The following INSC variants were observed in gnomAD, a reference collection of about 807,000 sequenced individuals.
INSC encodes the protein protein inscuteable homolog.
INSC carries 67 observed loss-of-function variants against 58.6 expected under a neutral mutation model. The ratio of observed to expected loss-of-function variants is 1.14; its 90% CI spans 0.94 to 1.40. The LOEUF is 1.40. INSC is among the 40% of genes most tolerant of loss of function. The pLI is 0.00. For synonymous variants in INSC, 262 were observed against 276.1 expected, an observed-to-expected ratio of 0.95 and a Z score of 0.51; for missense variants, 714 against 692.0, an observed-to-expected ratio of 1.03 and a Z score of -0.36.
chr11:15,151,623 T>C (rs1435339234), intron 2 of INSC, among the ~76,000 whole-genome samples: 1 of 152,036 alleles, frequency 6.6e-6, no homozygotes, highest in Non-Finnish European at 1.5e-5. Flanking sequence ...TCTTGTTGGT[T>C]CTGGGCATGG....
intron 1 of INSC, among the ~76,000 whole-genome samples, chr11:15,135,136 G>A (rs1848213435): frequency 6.6e-6 from 1 of 152,108 alleles, no homozygotes; most frequent in African/African-American, 2.4e-5. Flanking sequence ...TTTCAGTCAG[G>A]ATGTGCTGGG....
chr11:15,268,794 G>T, the INSC span, among the ~76,000 whole-genome samples: 2 of 152,198 alleles, frequency 1.3e-5, no homozygotes, highest in African/African-American at 4.8e-5. Context: ...TTTTAGAACA[G>T]TACTGTAACC....
At chr11:15,190,608 T>G in intron 5 of INSC, 93 bp from the exon 6 acceptor site, 1 of 836,314 alleles carries the variant, frequency 1.2e-6, no homozygotes, top group Non-Finnish European at 2.1e-6. Flanking sequence ...CCATGGTTGC[T>G]GTTAGGAGCA....
intron 5 of INSC, chr11:15,188,079 C>A: frequency 1.7e-6 from 1 of 588,456 alleles, no homozygotes; most frequent in Non-Finnish European, 2.1e-6. Flanking sequence ...TTTGAGGAGT[C>A]CCCTGTCCCA....
At chr11:15,119,824 C>G (rs899670489) in intron 1 of INSC, among the ~76,000 whole-genome samples, 1 of 152,262 alleles carries the variant, frequency 6.6e-6, no homozygotes, top group Non-Finnish European at 1.5e-5. Context: ...CCAGACAGAT[C>G]TGACTTGGAG....
intron 7 of INSC, among the ~76,000 whole-genome samples, chr11:15,213,092 T>G (rs1851089250): frequency 6.6e-6 from 1 of 152,088 alleles, no homozygotes; most frequent in South Asian, 2.1e-4. Context: ...CAGATATCTC[T>G]AGAACAGTGC....
the INSC span, among the ~76,000 whole-genome samples, chr11:15,258,591 A>T: frequency 5.3e-5 from 8 of 152,184 alleles, no homozygotes; most frequent in Non-Finnish European, 8.8e-5. Flanking sequence ...GCAGTGGGTG[A>T]TGTAATTTGA....
intron 2 of INSC, among the ~76,000 whole-genome samples, chr11:15,160,073 A>T (rs1848962319): frequency 6.6e-6 from 1 of 152,154 alleles, no homozygotes; most frequent in South Asian, 2.1e-4. Flanking sequence ...GTAGGACAAG[A>T]CAGACACAAG....
At chr11:15,180,692 G>GGGT in intron 5 of INSC, among the ~76,000 whole-genome samples, 1 of 91,172 alleles carries the variant, frequency 1.1e-5, no homozygotes, top group Non-Finnish European at 2.1e-5. Context: ...TGAGGGGGGG[G>GGGT]GCGGGGGGGG....
chr11:15,238,484 T>C (rs188252301), intron 10 of INSC, among the ~76,000 whole-genome samples: 7 of 152,296 alleles, frequency 4.6e-5, no homozygotes, highest in Non-Finnish European at 8.8e-5. Flanking sequence ...AATGTGATGC[T>C]ACATCTGAAT....
intron 8 of INSC, among the ~76,000 whole-genome samples, chr11:15,224,940 T>A (rs1367358859): frequency 6.6e-6 from 1 of 152,180 alleles, no homozygotes; most frequent in African/African-American, 2.4e-5. Flanking sequence ...AAGGAAGCAC[T>A]GAGGCTCTGT....
rs139661275 is a variant in INSC at position 15,240,177 on chromosome 11, A to G, written c.1394-270A>G. Among the ~76,000 whole-genome samples the G allele has an allele frequency of 6.7e-3, 1,023 of 151,870 alleles. 11 individuals carry two copies. The highest frequency in any genetic ancestry group is 0.023 in the African/African-American group (973 of 41,410). On this transcript the variant is annotated intron_variant, in intron 11 of 12. Transcript: ENST00000379556. ...TTTCTGATTGAAATTGGCACTTGAG[A>G]AAAAAAAAGACACAGTTAGGAATTT...
At chr11:15,192,942 A>G (rs944758723) in intron 6 of INSC, among the ~76,000 whole-genome samples, 6 of 152,202 alleles carry the variant, frequency 3.9e-5, no homozygotes, top group African/African-American at 9.6e-5. Context: ...CACTACACCA[A>G]TGGGATCTCA....
chr11:15,179,390 C>T (rs545562052), intron 5 of INSC, among the ~76,000 whole-genome samples: 4 of 152,352 alleles, frequency 2.6e-5, no homozygotes, highest in East Asian at 1.9e-4. Context: ...TCTTTTCCCA[C>T]CACCAAATAA....
At chr11:15,145,220 C>T (rs982989905) in intron 1 of INSC, among the ~76,000 whole-genome samples, 1 of 152,188 alleles carries the variant, frequency 6.6e-6, no homozygotes, top group Non-Finnish European at 1.5e-5. Context: ...CCTCATGATG[C>T]TCCTGGGAAG....
chr11:15,255,951 T>C, the INSC span, among the ~76,000 whole-genome samples: 280 of 152,334 alleles, frequency 1.8e-3, 1 homozygote, highest in African/African-American at 6.5e-3. Flanking sequence ...CATTCTCTTG[T>C]AAACTCCACG....
intron 2 of INSC, among the ~76,000 whole-genome samples, chr11:15,160,660 C>G (rs1848986581): frequency 6.6e-6 from 1 of 152,190 alleles, no homozygotes; most frequent in Non-Finnish European, 1.5e-5. Flanking sequence ...CAGAGGGCAT[C>G]TACAATGCTG....
chr11:15,205,188 C>A (rs1850749525), intron 7 of INSC, among the ~76,000 whole-genome samples: 1 of 152,140 alleles, frequency 6.6e-6, no homozygotes, highest in African/African-American at 2.4e-5. Flanking sequence ...CTCGCCTAGG[C>A]AACATAGCTA....
chr11:15,121,943 G>A (rs1847883898), intron 1 of INSC, among the ~76,000 whole-genome samples: 1 of 152,118 alleles, frequency 6.6e-6, no homozygotes, highest in Admixed American at 6.5e-5. Flanking sequence ...ATTTACTATA[G>A]CAAGAAGTTA....
Sources: allele counts gnomAD v4.1 joint callset (sites outside exome capture counted in the v4.1 genomes callset), GRCh38; gene constraint gnomAD v4.1.1; transcripts MANE v1.5; gene names NCBI Gene and HGNC (gene_info 2026-07-23, HGNC 2026-07-21).